The following POLR1A variants were observed in gnomAD, a reference collection of about 807,000 sequenced individuals.
POLR1A encodes DNA-directed RNA polymerase I subunit RPA1.
In POLR1A, 84 loss-of-function variants were observed where a neutral mutation model predicts 205.3. That is an observed-to-expected ratio of 0.41 (90% CI 0.34 to 0.49). POLR1A has a LOEUF of 0.49. POLR1A is among the 20% of genes least tolerant of loss of function. The pLI, the probability that POLR1A is intolerant of heterozygous loss-of-function variation, is 0.22. For synonymous variants in POLR1A, 799 were observed against 863.7 expected (o/e 0.93, Z 1.31); for missense variants, 1,645 against 2,204.5 (o/e 0.75, Z 5.08).
chr2:86,068,370 C>G (rs1293616002), intron 13 of POLR1A, among the ~76,000 whole-genome samples: 1 of 101,314 alleles, frequency 9.9e-6, no homozygotes, highest in Non-Finnish European at 1.8e-5. Context: ...AGAACACGCA[C>G]AGCCAAGCAC....
In POLR1A at chr2:86,049,006, A is replaced by C; in HGVS notation, c.2512T>G (p.Ser838Ala). The change falls in exon 18 of 34, where the codon TCA becomes GCA. Residue 838 changes from serine to alanine, a missense_variant. This residue lies in a region of POLR1A where 339 missense variants were observed against 415.1 expected (regional missense o/e 0.82). Coordinates refer to ENST00000263857, the MANE Select transcript of POLR1A (RefSeq NM_015425.6). The stretch of plus-strand genomic sequence containing the variant: ...CATTTTCCTCGGACCTCATCATATG[A>C]TGCGGCTTCTGGCAGGTTTAATGCA... Reference protein sequence around the residue: ...RAALNLPEAASYDEVRGKWQD... With the variant: ...RAALNLPEAAAYDEVRGKWQD... The C allele has an allele frequency of 6.2e-7, 1 of 1,614,208 alleles. No homozygotes were observed. Among genetic ancestry groups the C allele is most frequent in the East Asian group, 2.2e-5 (1 of 44,882 alleles).
At chr2:86,048,720 G>A (rs188721357) in intron 18 of POLR1A, among the ~76,000 whole-genome samples, 164 bp downstream of exon 18, 1 of 152,320 alleles carries the variant, frequency 6.6e-6, no homozygotes, top group Non-Finnish European at 1.5e-5. Context: ...AAAGCCCTGG[G>A]CCCTTCAAAA....
chr2:86,044,172 G>A lies in POLR1A; in HGVS notation c.3102C>T (p.Pro1034=). 1 of 1,614,182 alleles carries A rather than the reference G, an allele frequency of 6.2e-7. No individual in the cohort carries two copies. Among genetic ancestry groups the A allele is most frequent in the Non-Finnish European group, 8.5e-7 (1 of 1,180,038 alleles). Residue 1034 remains proline, a synonymous_variant, in exon 22 of 34, where the codon CCC becomes CCT. Transcript: ENST00000263857. ...LDIPKTQFLQ[P]KQFPFLASNY... The stretch of plus-strand genomic sequence containing the variant: ...TGCTGGCCAGGAAGGGGAACTGCTT[G>A]GGCTGCAGGAACTGTGTCTTGGGGA...
chr2:86,066,042 C>A (rs1468760436), intron 13 of POLR1A, among the ~76,000 whole-genome samples: 2 of 152,170 alleles, frequency 1.3e-5, no homozygotes, highest in Admixed American at 1.3e-4. Context: ...TACAATATCA[C>A]AAAGTGTTTT....
chr2:86,048,807 G>C, intron 18 of POLR1A, 77 bp downstream of exon 18: 4 of 1,351,234 alleles, frequency 3.0e-6, no homozygotes, highest in Non-Finnish European at 4.2e-6. Flanking sequence ...TAGGGCCCAG[G>C]TGAGAATCAA....
rs1690168408 is a variant in POLR1A, at chr2:86,022,590, G to C, written c.*4833C>G. The C allele has an allele frequency of 6.6e-6, 1 of 152,192 alleles. No homozygotes were observed. The highest frequency in any genetic ancestry group is 1.5e-5 in the Non-Finnish European group (1 of 68,066). 9.4% of individuals were successfully genotyped at this position (152,192 alleles called of 1,614,324 possible). On this transcript the variant is annotated 3_prime_UTR_variant, in exon 34 of 34. Transcript: ENST00000263857. ...AAATCAGAATCTGGGCAAGGCCTTG[G>C]GATCAATCTTTTTTTCAGACGGGGT...
chr2:86,088,223 G>C (rs1673537076), intron 6 of POLR1A, among the ~76,000 whole-genome samples: 1 of 152,190 alleles, frequency 6.6e-6, no homozygotes, highest in Non-Finnish European at 1.5e-5. Flanking sequence ...TTCCAAAATA[G>C]ATCCACACTT....
chr2:86,090,968 A>G (rs894014862), intron 3 of POLR1A, among the ~76,000 whole-genome samples: 2 of 152,232 alleles, frequency 1.3e-5, no homozygotes, highest in Non-Finnish European at 2.9e-5. Flanking sequence ...CTGCCTTTAA[A>G]AAGAACAAAT....
At chr2:86,074,953 C>T (rs1673252957) in intron 12 of POLR1A, 77 bp downstream of exon 12, 3 of 1,030,228 alleles carry the variant, frequency 2.9e-6, no homozygotes, top group Non-Finnish European at 4.4e-6. Flanking sequence ...CGCACCGGAG[C>T]CACACCTGAT....
Position 86,020,629 on chromosome 2 carries a change from T to C in POLR1A, c.*6794A>G, listed in dbSNP as rs1447453924. 6.8e-6 allele frequency: 1 copy of C among 146,734 alleles called. No homozygotes were observed. 9.1% of individuals were successfully genotyped at this position (146,734 alleles called of 1,614,324 possible). A position where few individuals can be genotyped will look rare whatever the true frequency, so the allele number is the denominator to read the frequency against. On this transcript the variant is annotated 3_prime_UTR_variant, in exon 34 of 34. Coordinates refer to ENST00000263857, the MANE Select transcript of POLR1A (RefSeq NM_015425.6). ...ATGTAAATGATTCCACTTTGTAAAA[T>C]AAACAATGTTAACCCGCATCTATGT... is the stretch of plus-strand genomic sequence containing the variant.
intron 12 of POLR1A, among the ~76,000 whole-genome samples, chr2:86,073,211 AAT>A (rs1375834302): frequency 1.8e-5 from 1 of 56,480 alleles, no homozygotes; most frequent in Non-Finnish European, 3.1e-5. Flanking sequence ...AAAAAAATAA[AAT>A]AAAAAAAAAA....
intron 13 of POLR1A, among the ~76,000 whole-genome samples, chr2:86,066,215 G>C (rs1310662185): frequency 2.0e-5 from 3 of 152,178 alleles, no homozygotes; most frequent in African/African-American, 7.2e-5. Context: ...CCTCAAGAGA[G>C]CTGTGAGTGG....
Position 86,070,401 on chromosome 2 carries a change from G to A in POLR1A, c.1612-129C>T, listed in dbSNP as rs984683933. On this transcript the variant is annotated intron_variant, in intron 12 of 33. Transcript: ENST00000263857. The surrounding 1 kb of genome is among the most constrained non-coding windows in gnomAD (Gnocchi z 4.4). ...ACGTTCTAGTTAACTAAATGCAAGG[G>A]GAATTTTTCATCTGGAGCAAAACCC... The A allele has an allele frequency of 1.4e-5, 14 of 997,092 alleles. No homozygotes were observed. Among genetic ancestry groups the A allele is most frequent in the Admixed American group, 2.7e-5 (1 of 37,328 alleles). The allele number at this position is 997,092 out of a possible 1,614,324, so 61.8% of individuals were successfully genotyped here.
At chr2:86,029,456 T>A (rs1672339272) in intron 31 of POLR1A, among the ~76,000 whole-genome samples, 1 of 152,102 alleles carries the variant, frequency 6.6e-6, no homozygotes, top group Non-Finnish European at 1.5e-5. Flanking sequence ...AAAGGACAGA[T>A]GAGCTGGTGA....
chr2:86,069,919 C>A, intron 13 of POLR1A, 99 bp downstream of exon 13: 1 of 1,362,356 alleles, frequency 7.3e-7, no homozygotes, highest in African/African-American at 1.4e-5. Context: ...CGCCCCTGTC[C>A]TGGAGCTGCC....
intron 6 of POLR1A, 107 bp downstream of exon 6, chr2:86,088,459 C>T: frequency 1.3e-6 from 1 of 742,894 alleles, no homozygotes; most frequent in Non-Finnish European, 2.3e-6. Context: ...CTGGCCCCTC[C>T]CAAATGCAGC....
chr2:86,073,954 C>A (rs992222118), intron 12 of POLR1A, among the ~76,000 whole-genome samples: 3 of 152,204 alleles, frequency 2.0e-5, no homozygotes, highest in Non-Finnish European at 4.4e-5. Context: ...AAAGGCAGAC[C>A]GATTCTACGA....
chr2:86,049,123 C>A (rs201070540), intron 17 of POLR1A, 37 bp downstream of exon 17: 2 of 1,610,988 alleles, frequency 1.2e-6, no homozygotes, highest in East Asian at 4.5e-5. Context: ...CACTTCACCC[C>A]TCTAGGGCAG....
At chr2:86,053,437 G>T (rs908812467) in intron 15 of POLR1A, among the ~76,000 whole-genome samples, 3 of 152,144 alleles carry the variant, frequency 2.0e-5, no homozygotes, top group Non-Finnish European at 4.4e-5. Flanking sequence ...TGTGCCTCTG[G>T]CCTAGGTACT....
Sources: allele counts gnomAD v4.1 joint callset (sites outside exome capture counted in the v4.1 genomes callset), GRCh38; gene constraint gnomAD v4.1.1; regional missense constraint gnomAD v4.1.1; non-coding constraint Gnocchi (gnomAD v3.1); transcripts MANE v1.5; gene names NCBI Gene and HGNC (gene_info 2026-07-23, HGNC 2026-07-21).